The following SDK2 variants were observed in gnomAD, a reference collection of about 807,000 sequenced individuals.
SDK2 encodes protein sidekick-2.
SDK2 carries 105 observed loss-of-function variants against 253.9 expected under a neutral mutation model. The observed-to-expected ratio is 0.41, with a 90% CI of 0.35 to 0.49. The LOEUF is 0.49. Among genes scored for constraint, SDK2 ranks in the 20% least tolerant of loss-of-function variants. SDK2 has a pLI of 0.06. For missense variants in SDK2, 2,608 were observed against 3,003.0 expected (o/e 0.87, Z 3.07); for synonymous variants, 1,249 against 1,234.9 (o/e 1.01, Z -0.24).
intron 14 of SDK2, among the ~76,000 whole-genome samples, chr17:73,423,016 C>T (rs973814871): frequency 4.3e-5 from 4 of 93,348 alleles, no homozygotes; most frequent in Non-Finnish European, 6.9e-5. Flanking sequence ...TGTGAAACTC[C>T]GTCTCAAAAA....
At chr17:73,585,942 T>C (rs962089597) in intron 1 of SDK2, among the ~76,000 whole-genome samples, 1 of 152,158 alleles carries the variant, frequency 6.6e-6, no homozygotes, top group Non-Finnish European at 1.5e-5. Flanking sequence ...TCCATACATA[T>C]GTGTGTCCTA....
At chr17:73,434,196 A>G (rs1285059689) in intron 9 of SDK2, among the ~76,000 whole-genome samples, 1 of 152,226 alleles carries the variant, frequency 6.6e-6, no homozygotes, top group African/African-American at 2.4e-5. Context: ...ACAAGCCAAA[A>G]GTGAAAGGAA....
chr17:73,341,779 G>A (rs1191426085), intron 44 of SDK2, among the ~76,000 whole-genome samples: 1 of 152,188 alleles, frequency 6.6e-6, no homozygotes, highest in Non-Finnish European at 1.5e-5. Flanking sequence ...TAGCTACAAT[G>A]AATAGAACTA....
intron 1 of SDK2, among the ~76,000 whole-genome samples, chr17:73,615,331 C>T (rs369227428): frequency 1.3e-5 from 2 of 152,232 alleles, no homozygotes; most frequent in Admixed American, 6.5e-5. Flanking sequence ...GAGTCTAGAA[C>T]TGGGCCTCCT....
chr17:73,536,199 G>A (rs1246053936), intron 1 of SDK2, among the ~76,000 whole-genome samples: 1 of 152,158 alleles, frequency 6.6e-6, no homozygotes, highest in Non-Finnish European at 1.5e-5. Context: ...GTGGGCCTGA[G>A]ATTTGCATTT....
At chr17:73,588,197 A>ACCCCCCC (rs57740393) in intron 1 of SDK2, among the ~76,000 whole-genome samples, 34 of 130,854 alleles carry the variant, frequency 2.6e-4, no homozygotes, top group African/African-American at 3.4e-4. Context: ...ACATGGAGAG[A>ACCCCCCC]CCCCCCCCCC....
intron 31 of SDK2, 30 bp downstream of exon 31, chr17:73,386,415 G>T: frequency 6.9e-7 from 1 of 1,439,048 alleles, no homozygotes; most frequent in Non-Finnish European, 9.6e-7. Flanking sequence ...AGTGGGCTGA[G>T]AGAGAGACTG....
intron 2 of SDK2, among the ~76,000 whole-genome samples, chr17:73,500,559 T>C: frequency 7.4e-6 from 1 of 134,396 alleles, no homozygotes; most frequent in Non-Finnish European, 1.6e-5. Flanking sequence ...CCTTCATCCT[T>C]CTCCATCCTC....
At chr17:73,391,896 A>G (rs1170516982) in intron 27 of SDK2, among the ~76,000 whole-genome samples, 1 of 151,980 alleles carries the variant, frequency 6.6e-6, no homozygotes, top group South Asian at 2.1e-4. Context: ...ACTTCCTTCC[A>G]CCCATGGGGT....
chr17:73,483,988 GTTATT>G (rs1228485123), intron 2 of SDK2, among the ~76,000 whole-genome samples: 1 of 151,888 alleles, frequency 6.6e-6, no homozygotes, highest in African/African-American at 2.4e-5. Context: ...AGGCAGTGTG[GTTATT>G]TTATTTTATT....
chr17:73,509,808 G>A (rs1034924977), intron 1 of SDK2, among the ~76,000 whole-genome samples: 11 of 147,456 alleles, frequency 7.5e-5, no homozygotes, highest in Non-Finnish European at 1.0e-4. Flanking sequence ...GCTGAGGCAG[G>A]AGAATCGCTT....
chr17:73,341,509 CA>C (rs2062437121), intron 44 of SDK2, among the ~76,000 whole-genome samples: 1 of 152,162 alleles, frequency 6.6e-6, no homozygotes. Context: ...CAGAGGACCC[CA>C]CCCAGGCCTC....
intron 1 of SDK2, among the ~76,000 whole-genome samples, chr17:73,633,396 T>C (rs978456307): frequency 6.6e-6 from 1 of 152,244 alleles, no homozygotes; most frequent in African/African-American, 2.4e-5. Context: ...GTGTCCACCC[T>C]CCTTACCATG....
rs375474489 is a variant in SDK2, at chr17:73,379,413, G to C, written c.4864+35C>G. ...GCTGAACTGGGTGGGGCTGGGAAAG[G>C]CATGCTGGGGCCGGACAGGGCGGGC... On this transcript the variant is annotated intron_variant, in intron 35 of 44. Transcript: ENST00000392650. The surrounding 1 kb of genome is among the most constrained non-coding windows in gnomAD (Gnocchi z 4.5). 3.9e-6 allele frequency: 6 copies of C among 1,548,962 alleles called. No homozygotes were observed. Among genetic ancestry groups the C allele is most frequent in the African/African-American group, 1.4e-5 (1 of 73,974 alleles).
At chr17:73,386,770 C>T (rs565204002) in intron 30 of SDK2, among the ~76,000 whole-genome samples, 23 of 152,320 alleles carry the variant, frequency 1.5e-4, no homozygotes, top group Middle Eastern at 3.4e-3. Flanking sequence ...CCAGGTCCTC[C>T]AGACCATGCC....
chr17:73,406,714 AAAATT>A (rs1243534878), intron 18 of SDK2, among the ~76,000 whole-genome samples: 1 of 152,218 alleles, frequency 6.6e-6, no homozygotes, highest in Non-Finnish European at 1.5e-5. Context: ...ATTATAGAAT[AAAATT>A]AAATTAAAAA....
chr17:73,505,888 C>T (rs2063931667), intron 2 of SDK2, among the ~76,000 whole-genome samples: 1 of 152,226 alleles, frequency 6.6e-6, no homozygotes, highest in Admixed American at 6.5e-5. Context: ...TGACTGTTTT[C>T]AAAGGCAGGC....
intron 44 of SDK2, among the ~76,000 whole-genome samples, chr17:73,339,985 C>T (rs755559679): frequency 3.3e-5 from 5 of 152,136 alleles, no homozygotes; most frequent in Non-Finnish European, 7.4e-5. Flanking sequence ...ATTCTCCTGC[C>T]TCAGCTTCTG....
intron 9 of SDK2, among the ~76,000 whole-genome samples, chr17:73,434,751 A>T (rs1041445696): frequency 6.6e-6 from 1 of 152,144 alleles, no homozygotes; most frequent in Admixed American, 6.5e-5. Context: ...TCACTTCAGC[A>T]TCCCTAGTAC....
Sources: gnomAD v4.1 joint callset for allele counts (sites outside exome capture counted in the v4.1 genomes callset) on GRCh38, gnomAD v4.1.1 for gene constraint, Gnocchi (gnomAD v3.1) non-coding constraint, MANE v1.5 for transcripts, NCBI Gene and HGNC (gene_info 2026-07-23, HGNC 2026-07-21) for gene names.